RGS7: variants seen among roughly 807,000 people sequenced by gnomAD.
RGS7 encodes regulator of G protein signaling 7.
A neutral mutation model predicts 81.1 loss-of-function variants in RGS7; 27 were observed. The ratio of observed to expected loss-of-function variants is 0.33; its 90% CI spans 0.25 to 0.46. RGS7 has a LOEUF of 0.46. Among genes scored for constraint, RGS7 ranks in the 20% least tolerant of loss-of-function variants. The pLI, the probability that RGS7 is intolerant of heterozygous loss-of-function variation, is 1.00. For missense variants in RGS7, 396 were observed against 607.4 expected (o/e 0.65, Z 3.66); for synonymous variants, 208 against 207.7 (o/e 1.00, Z -0.01).
chr1:241,191,329 AT>A (rs1162846582), intron 2 of RGS7, among the ~76,000 whole-genome samples: 36 of 151,958 alleles, frequency 2.4e-4, no homozygotes, highest in Admixed American at 2.3e-3. Flanking sequence ...TGAGTATTTA[AT>A]TTTTTTAAAT....
At chr1:240,980,370 G>T (rs780921948) in intron 4 of RGS7, among the ~76,000 whole-genome samples, 1 of 152,058 alleles carries the variant, frequency 6.6e-6, no homozygotes, top group Non-Finnish European at 1.5e-5. Flanking sequence ...CTTCCATCTT[G>T]CCACAAAACC....
intron 3 of RGS7, among the ~76,000 whole-genome samples, chr1:241,051,619 A>G (rs2061256654): frequency 6.6e-6 from 1 of 151,954 alleles, no homozygotes. Context: ...CTCTTGCTTA[A>G]CAACTGATTC....
At chr1:241,054,052 T>C (rs1191007400) in intron 3 of RGS7, among the ~76,000 whole-genome samples, 2 of 152,186 alleles carry the variant, frequency 1.3e-5, no homozygotes, top group East Asian at 1.9e-4. Flanking sequence ...AAGCGCTCTA[T>C]GACCTATGGG....
At chr1:241,071,874 CAAAAAAAA>C (rs58217460) in intron 3 of RGS7, among the ~76,000 whole-genome samples, 3 of 56,856 alleles carry the variant, frequency 5.3e-5, no homozygotes, top group Admixed American at 2.9e-4. Context: ...GAGACCCTGT[CAAAAAAAA>C]AAAAAAAAAA....
intron 3 of RGS7, among the ~76,000 whole-genome samples, chr1:241,050,797 G>A (rs1344264471): frequency 6.6e-6 from 1 of 152,050 alleles, no homozygotes; most frequent in Non-Finnish European, 1.5e-5. Context: ...TCTTCCTTAT[G>A]ACTTTCTTAA....
At chr1:241,050,605 C>T (rs2061195817) in intron 3 of RGS7, among the ~76,000 whole-genome samples, 1 of 152,118 alleles carries the variant, frequency 6.6e-6, no homozygotes, top group Middle Eastern at 3.2e-3. Flanking sequence ...TGGGTTTGAA[C>T]TGCACAGGTC....
intron 2 of RGS7, among the ~76,000 whole-genome samples, chr1:241,139,151 A>G (rs1217173546): frequency 2.0e-5 from 3 of 150,348 alleles, no homozygotes; most frequent in Admixed American, 6.6e-5. Context: ...CCTCATTCAC[A>G]CCCATCTTCC....
At chr1:240,873,970 T>G (rs1454907029) in intron 6 of RGS7, among the ~76,000 whole-genome samples, 1 of 152,198 alleles carries the variant, frequency 6.6e-6, no homozygotes, top group East Asian at 1.9e-4. Context: ...CTTCTCATGC[T>G]TGAGTAATTC....
At chr1:241,160,788 T>G (rs931997143) in intron 2 of RGS7, among the ~76,000 whole-genome samples, 3 of 152,234 alleles carry the variant, frequency 2.0e-5, no homozygotes, top group Non-Finnish European at 2.9e-5. Context: ...TGGGGTACTG[T>G]TCCAGCTTAT....
chr1:241,227,133 A>T (rs921469219), intron 2 of RGS7, among the ~76,000 whole-genome samples: 1 of 152,320 alleles, frequency 6.6e-6, no homozygotes, highest in African/African-American at 2.4e-5. Context: ...AAAAGGAGGA[A>T]TCTACCATAG....
At chr1:241,023,003 CATGTAAAATA>C (rs2059613622) in intron 3 of RGS7, among the ~76,000 whole-genome samples, 1 of 151,108 alleles carries the variant, frequency 6.6e-6, no homozygotes, top group Admixed American at 6.6e-5. Context: ...TGGGTAAAAT[CATGTAAAATA>C]ACAACTATGA....
chr1:241,337,113 T>C (rs75040600), intron 2 of RGS7, among the ~76,000 whole-genome samples: 6,778 of 152,208 alleles, frequency 0.045, 394 homozygotes, highest in African/African-American at 0.13. Context: ...ATTTTCCTCA[T>C]TTGTAGCATG....
intron 2 of RGS7, among the ~76,000 whole-genome samples, chr1:241,220,990 GAA>G (rs2074902497): frequency 1.3e-5 from 1 of 77,010 alleles, no homozygotes; most frequent in African/African-American, 3.6e-5. Context: ...AGGAAGGAAG[GAA>G]GGAAGAGAGA....
At chr1:241,125,408 C>A (rs533158773) in intron 2 of RGS7, among the ~76,000 whole-genome samples, 1 of 147,516 alleles carries the variant, frequency 6.8e-6, no homozygotes, top group Non-Finnish European at 1.5e-5. Flanking sequence ...TCTAGATACC[C>A]GACATGCACA....
intron 10 of RGS7, among the ~76,000 whole-genome samples, chr1:240,824,939 C>G (rs1234749810): frequency 1.3e-5 from 2 of 152,076 alleles, no homozygotes; most frequent in Non-Finnish European, 2.9e-5. Context: ...GGCAGCCATC[C>G]CCAAGCAGGA....
chr1:240,898,487 T>C (rs1669457347), intron 6 of RGS7, among the ~76,000 whole-genome samples: 1 of 152,212 alleles, frequency 6.6e-6, no homozygotes, highest in South Asian at 2.1e-4. Context: ...GTTGTGTCTT[T>C]GTTCTCATTG....
chr1:240,799,250 G>GCTTT (rs780802471), intron 18 of RGS7, among the ~76,000 whole-genome samples: 3 of 137,092 alleles, frequency 2.2e-5, no homozygotes, highest in African/African-American at 1.0e-4. Context: ...TTATTATTAT[G>GCTTT]GTTTGTGTGT....
At chr1:241,149,443 C>T (rs1163320144) in intron 2 of RGS7, among the ~76,000 whole-genome samples, 1 of 152,192 alleles carries the variant, frequency 6.6e-6, no homozygotes, top group Non-Finnish European at 1.5e-5. Flanking sequence ...AGGCATGAGC[C>T]ACTGCACCCA....
At chr1:241,193,122 C>T (rs56375676) in intron 2 of RGS7, among the ~76,000 whole-genome samples, 27,271 of 152,116 alleles carry the variant, frequency 0.18, 3,006 homozygotes, top group African/African-American at 0.31. Context: ...GTATTGGGAA[C>T]TCTAAATTGT....
Sources: gnomAD v4.1 joint callset for allele counts (sites outside exome capture counted in the v4.1 genomes callset) on GRCh38, gnomAD v4.1.1 for gene constraint, MANE v1.5 for transcripts, NCBI Gene and HGNC (gene_info 2026-07-23, HGNC 2026-07-21) for gene names.